The following SMUG1 variants were observed in gnomAD, a reference collection of about 807,000 sequenced individuals.
The protein encoded by SMUG1 is single-strand selective monofunctional uracil DNA glycosylase.
In SMUG1, 13 loss-of-function variants were observed where a neutral mutation model predicts 23.9. That is an observed-to-expected ratio of 0.54 (90% confidence interval 0.35 to 0.86). The LOEUF (loss-of-function observed/expected upper bound fraction) is 0.86. SMUG1 is among the 40% of genes least tolerant of loss of function. The pLI, the probability that SMUG1 is intolerant of heterozygous loss-of-function variation, is 0.01. For synonymous variants in SMUG1, 133 were observed against 139.8 expected, an observed-to-expected ratio of 0.95 and a Z score of 0.34; for missense variants, 313 against 339.5, an observed-to-expected ratio of 0.92 and a Z score of 0.61.
At chr12:54,171,583 C>CCA (rs1940619871) in intron 3 of SMUG1, among the ~76,000 whole-genome samples, 1 of 146,030 alleles carries the variant, frequency 6.8e-6, no homozygotes, top group Admixed American at 7.0e-5. Flanking sequence ...CCAGCTAGTC[C>CCA]GGAGGCTGAG....
intron 2 of SMUG1, chr12:54,172,844 C>A (rs1365940946): frequency 2.6e-5 from 4 of 152,440 alleles, no homozygotes; most frequent in Non-Finnish European, 1.5e-5. Context: ...CAGGGTAAGC[C>A]CACCACCTGC....
chr12:54,185,239 A>G (rs964385562), intron 2 of SMUG1, among the ~76,000 whole-genome samples: 2 of 151,570 alleles, frequency 1.3e-5, no homozygotes. Flanking sequence ...TGAAAGGTGG[A>G]GGTTGCGGTG....
intron 3 of SMUG1, among the ~76,000 whole-genome samples, chr12:54,166,697 A>T (rs1363643890): frequency 6.6e-6 from 1 of 152,112 alleles, no homozygotes; most frequent in Non-Finnish European, 1.5e-5. Context: ...CACAGAAACA[A>T]AATCTGCCCT....
At chr12:54,165,828 G>A (rs1940439063) in intron 3 of SMUG1, among the ~76,000 whole-genome samples, 1 of 152,166 alleles carries the variant, frequency 6.6e-6, no homozygotes, top group Non-Finnish European at 1.5e-5. Context: ...CCAAAACTTA[G>A]CCCTCAGCTT....
downstream of SMUG1, among the ~76,000 whole-genome samples, chr12:54,179,043 CTT>C (rs1460820595): frequency 3.3e-5 from 5 of 152,318 alleles, no homozygotes; most frequent in Non-Finnish European, 5.9e-5. Flanking sequence ...ACATTAGACT[CTT>C]AAGTTCTTCA....
downstream of SMUG1, among the ~76,000 whole-genome samples, chr12:54,179,513 A>G (rs1021189770): frequency 2.0e-5 from 3 of 152,118 alleles, no homozygotes; most frequent in African/African-American, 7.2e-5. Flanking sequence ...AACATGGCGC[A>G]CTCACTACGT....
chr12:54,173,014 A>G (rs1183947936), intron 2 of SMUG1: 2 of 152,680 alleles, frequency 1.3e-5, no homozygotes, highest in Non-Finnish European at 2.9e-5. Flanking sequence ...GGAGAAGGCA[A>G]GGCGGCTTGA....
At chr12:54,185,775 C>T (rs1271912932) in intron 2 of SMUG1, among the ~76,000 whole-genome samples, 2 of 152,068 alleles carry the variant, frequency 1.3e-5, no homozygotes, top group Non-Finnish European at 1.5e-5. Context: ...CGAGATTGTG[C>T]CACTGCACTC....
At chr12:54,172,041 C>T (rs148809220) in exon 3 of SMUG1, 299 of 455,350 alleles carry the variant, frequency 6.6e-4, no homozygotes, top group Middle Eastern at 9.8e-4. Context: ...CTGCAATCAG[C>T]TCCTGACTGG....
At chr12:54,177,542 A>T (rs1012447920), downstream of SMUG1, among the ~76,000 whole-genome samples, 2 of 152,120 alleles carry the variant, frequency 1.3e-5, no homozygotes, top group Non-Finnish European at 2.9e-5. Flanking sequence ...GCTAGTGGCT[A>T]CTGTATTGGT....
chr12:54,176,150 C>T (rs543158945), downstream of SMUG1, among the ~76,000 whole-genome samples: 375 of 151,750 alleles, frequency 2.5e-3, 1 homozygote, highest in Middle Eastern at 0.01. Context: ...CGCTTGAACC[C>T]GGGAGGCAGA....
downstream of SMUG1, among the ~76,000 whole-genome samples, chr12:54,161,850 T>C (rs923346273): frequency 2.6e-5 from 4 of 152,044 alleles, no homozygotes; most frequent in African/African-American, 9.7e-5. The surrounding 1 kb of genome is among the most constrained non-coding windows in gnomAD (Gnocchi z 4.2). Context: ...GTGACTGTAA[T>C]CTCCCAGGCG....
At chr12:54,173,512 A>T (rs1415951669) in intron 2 of SMUG1, among the ~76,000 whole-genome samples, 5 of 152,154 alleles carry the variant, frequency 3.3e-5, no homozygotes, top group Non-Finnish European at 7.4e-5. Flanking sequence ...CGAGCGGGGA[A>T]ATTACCGCCA....
chr12:54,183,487 T>C, intron 3 of SMUG1, 169 bp downstream of exon 3: 1 of 666,680 alleles, frequency 1.5e-6, no homozygotes, highest in Non-Finnish European at 2.6e-6. Flanking sequence ...GCAGAGACGC[T>C]GGGAGAGGGC....
At chr12:54,160,405 G>A (rs76229773), downstream of SMUG1, among the ~76,000 whole-genome samples, 163 of 152,316 alleles carry the variant, frequency 1.1e-3, 2 homozygotes, top group East Asian at 0.021. Flanking sequence ...GGGCAGTCCT[G>A]AGGAGGGGTA....
intron 3 of SMUG1, among the ~76,000 whole-genome samples, chr12:54,170,568 AT>A (rs565414988): frequency 2.3e-3 from 337 of 148,374 alleles, no homozygotes; most frequent in South Asian, 4.3e-3. Context: ...ATGTCTCAGC[AT>A]TTTTTTTTTG....
At chr12:54,184,848 A>G (rs1834822179) in intron 2 of SMUG1, among the ~76,000 whole-genome samples, 1 of 152,212 alleles carries the variant, frequency 6.6e-6, no homozygotes, top group South Asian at 2.1e-4. Context: ...TACAAAGAAT[A>G]ATAATATCCA....
Sources: allele counts gnomAD v4.1 joint callset (sites outside exome capture counted in the v4.1 genomes callset), GRCh38; gene constraint gnomAD v4.1.1; non-coding constraint Gnocchi (gnomAD v3.1); transcripts MANE v1.5; gene names NCBI Gene and HGNC (gene_info 2026-07-23, HGNC 2026-07-21).